The following ANXA4 variants were observed in gnomAD, a reference collection of about 807,000 sequenced individuals.
ANXA4 encodes 35-beta calcimedin.
ANXA4 carries 39 observed loss-of-function variants against 49.8 expected under a neutral mutation model. The ratio of observed to expected loss-of-function variants is 0.78; its 90% CI spans 0.61 to 1.02. The LOEUF (loss-of-function observed/expected upper bound fraction) is 1.02, where lower values mean the gene tolerates loss of function less well. Among genes scored for constraint, ANXA4 ranks in the 50% least tolerant of loss-of-function variants. The probability of loss-of-function intolerance (pLI) is 0.00; values close to 1 mark genes in which losing one functional copy is unlikely to be tolerated. For missense variants in ANXA4, 360 were observed against 410.1 expected (o/e 0.88, Z 1.05); for synonymous variants, 134 against 152.5 (o/e 0.88, Z 0.89).
At chr2:69,668,146 T>C (rs1677011720) in intron 2 of ANXA4, among the ~76,000 whole-genome samples, 2 of 152,196 alleles carry the variant, frequency 1.3e-5, no homozygotes, top group Admixed American at 6.5e-5. Context: ...ATTAATACTA[T>C]GCATGGACCG....
chr2:69,770,246 A>G (rs1455003985), intron 1 of ANXA4, among the ~76,000 whole-genome samples: 1 of 152,152 alleles, frequency 6.6e-6, no homozygotes, highest in Non-Finnish European at 1.5e-5. Flanking sequence ...TTTTAGAAGG[A>G]TCTAAGTTCC....
chr2:69,799,699 A>G lies in ANXA4; in HGVS notation c.98-4834A>G, dbSNP rs539658356. Among the ~76,000 whole-genome samples the G allele has an allele frequency of 8.5e-5, 13 of 152,260 alleles. No individual in the cohort carries two copies. In the East Asian group the frequency reaches 2.5e-3, roughly 29 times the overall value. On this transcript the variant is annotated intron_variant, in intron 3 of 12. Transcript: ENST00000394295. ...GGGTAGGTACAGTGATTCTATGTGC[A>G]CCACAAACTACCTGGCCTAGCCTCT...
chr2:69,773,957 C>T (rs1420002719), intron 1 of ANXA4, among the ~76,000 whole-genome samples: 1 of 151,820 alleles, frequency 6.6e-6, no homozygotes, highest in African/African-American at 2.4e-5. Flanking sequence ...CTCAGCCTCC[C>T]TAGTAGCTGG....
intron 2 of ANXA4, among the ~76,000 whole-genome samples, chr2:69,700,961 C>T (rs1435178463): frequency 1.3e-5 from 2 of 152,150 alleles, no homozygotes; most frequent in African/African-American, 4.8e-5. Context: ...CAACCTCCGC[C>T]TCCCAGGTTC....
At chr2:69,699,382 T>G (rs1253254007) in intron 2 of ANXA4, among the ~76,000 whole-genome samples, 1 of 152,162 alleles carries the variant, frequency 6.6e-6, no homozygotes, top group African/African-American at 2.4e-5. Context: ...GGCTCATGTC[T>G]GTAATCCCAG....
chr2:69,812,201 T>C (rs1390665933), intron 7 of ANXA4, among the ~76,000 whole-genome samples: 1 of 151,642 alleles, frequency 6.6e-6, no homozygotes, highest in African/African-American at 2.4e-5. Context: ...CTTAGCTCAC[T>C]GCCTTGAACT....
intron 1 of ANXA4, among the ~76,000 whole-genome samples, chr2:69,759,785 A>C: frequency 6.6e-6 from 1 of 152,214 alleles, no homozygotes; most frequent in East Asian, 1.9e-4. Flanking sequence ...TATTATCTTT[A>C]AAATTTAAAA....
intron 1 of ANXA4, among the ~76,000 whole-genome samples, chr2:69,775,950 A>ATT (rs1298077281): frequency 6.8e-5 from 9 of 132,572 alleles, no homozygotes; most frequent in African/African-American, 2.7e-4. Context: ...AGGCCATTTT[A>ATT]TTTATTTTTA....
chr2:69,670,112 G>A (rs1349654914), intron 2 of ANXA4, among the ~76,000 whole-genome samples: 6 of 152,092 alleles, frequency 3.9e-5, no homozygotes, highest in Non-Finnish European at 5.9e-5. Flanking sequence ...AATCATTCCA[G>A]CATATTATAA....
In ANXA4 at chr2:69,693,366, C is replaced by T. The variant is rs566060502; in HGVS notation, n.767-27408C>T. 5.9e-5 allele frequency among the ~76,000 whole-genome samples: 9 copies of T among 152,046 alleles called. No individual in the cohort carries two copies. In the South Asian group the frequency reaches 1.5e-3, roughly 25 times the overall value. Reference sequence around the variant, plus strand: ...GAAGGAGCAGCTAACCAGGAAGACACGGGAGGTAGCAGGTCACTGTCTAGG... The same window carrying T: ...GAAGGAGCAGCTAACCAGGAAGACATGGGAGGTAGCAGGTCACTGTCTAGG... On this transcript the variant is annotated intron_variant and non_coding_transcript_variant, in intron 2 of 3. Coordinates refer to the ANXA4 transcript ENST00000418066.
At chr2:69,685,939 T>C (rs1677770649) in intron 2 of ANXA4, among the ~76,000 whole-genome samples, 4 of 152,182 alleles carry the variant, frequency 2.6e-5, no homozygotes, top group Admixed American at 2.6e-4. Context: ...TTTGTGGCAC[T>C]GAACTCAGAG....
At chr2:69,736,659 C>T (rs1022421795) in intron 3 of ANXA4, among the ~76,000 whole-genome samples, 1 of 152,110 alleles carries the variant, frequency 6.6e-6, no homozygotes, top group African/African-American at 2.4e-5. Flanking sequence ...CATCTGAAAA[C>T]TTCTTAAGAA....
chr2:69,746,245 C>T (rs1670607203), intron 1 of ANXA4, among the ~76,000 whole-genome samples: 1 of 151,858 alleles, frequency 6.6e-6, no homozygotes, highest in South Asian at 2.1e-4. Flanking sequence ...CCCCTGACCT[C>T]ATGATCCACC....
At chr2:69,658,957 A>T (rs952769118) in intron 2 of ANXA4, among the ~76,000 whole-genome samples, 1 of 152,198 alleles carries the variant, frequency 6.6e-6, no homozygotes, top group Non-Finnish European at 1.5e-5. Context: ...TAGGCTCCCA[A>T]AGTGCTGGGA....
In ANXA4 at chr2:69,810,695, G is replaced by A. The variant is rs559569359; in HGVS notation, c.477+22G>A. On this transcript the variant is annotated intron_variant, in intron 7 of 12. Transcript: ENST00000394295. ...AGCTGTGAGTGACTGCTTCTGATGG[G>A]GGGCGGGTTTTATCGAAATGTCCAC... 3.7e-6 allele frequency: 6 copies of A among 1,603,916 alleles called. No homozygotes were observed. The East Asian group carries it at 1.3e-4, about 36-fold the overall frequency.
chr2:69,752,065 AG>A (rs1436175621), intron 1 of ANXA4, among the ~76,000 whole-genome samples: 11 of 152,316 alleles, frequency 7.2e-5, no homozygotes, highest in African/African-American at 2.6e-4. Context: ...TGGTCACAGA[AG>A]GCTTCCTGGA....
At position 69,682,246 on chromosome 2, in the gene ANXA4, C is replaced by T. The variant is rs574687737; in HGVS notation, n.766+28964C>T. Among the ~76,000 whole-genome samples the T allele has an allele frequency of 2.0e-5, 3 of 152,176 alleles. No homozygotes were observed. In the East Asian group the frequency reaches 5.8e-4, roughly 29 times the overall value. On this transcript the variant is annotated intron_variant and non_coding_transcript_variant, in intron 2 of 3. Coordinates refer to the ANXA4 transcript ENST00000418066. ...TGTAGGTGTTTATTGATATAAACTC[C>T]CCTCTTAGCACTGCTTTTGCTGTAT...
intron 3 of ANXA4, among the ~76,000 whole-genome samples, chr2:69,729,649 C>A (rs2105443953): frequency 6.6e-6 from 1 of 152,290 alleles, no homozygotes; most frequent in Middle Eastern, 3.4e-3. Flanking sequence ...CGGGAAATCC[C>A]AGGATAAAGT....
chr2:69,739,555 G>A (rs532778211), upstream of ANXA4, among the ~76,000 whole-genome samples: 26 of 151,616 alleles, frequency 1.7e-4, no homozygotes, highest in Admixed American at 1.1e-3. Flanking sequence ...AGAGGCGTGC[G>A]TCACTAGGCT....
Sources: gnomAD v4.1 joint callset for allele counts (sites outside exome capture counted in the v4.1 genomes callset) on GRCh38, gnomAD v4.1.1 for gene constraint, MANE v1.5 for transcripts, NCBI Gene and HGNC (gene_info 2026-07-23, HGNC 2026-07-21) for gene names.